The following RNF19B variants were observed in gnomAD, a reference collection of about 807,000 sequenced individuals.
The protein encoded by RNF19B is E3 ubiquitin-protein ligase RNF19B.
A neutral mutation model predicts 65.5 loss-of-function variants in RNF19B; 23 were observed. The ratio of observed to expected loss-of-function variants is 0.35; its 90% confidence interval spans 0.25 to 0.50. The LOEUF (loss-of-function observed/expected upper bound fraction) is 0.50, where lower values mean the gene tolerates loss of function less well. Among genes scored for constraint, RNF19B ranks in the 20% least tolerant of loss-of-function variants. The pLI, the probability that RNF19B is intolerant of heterozygous loss-of-function variation, is 0.98. For synonymous variants in RNF19B, 372 were observed against 379.6 expected, an observed-to-expected ratio of 0.98 and a Z score of 0.23; for missense variants, 794 against 980.0, an observed-to-expected ratio of 0.81 and a Z score of 2.53.
intron 1 of RNF19B, among the ~76,000 whole-genome samples, chr1:32,950,619 C>G (rs1166256443): frequency 6.6e-6 from 1 of 151,834 alleles, no homozygotes; most frequent in Non-Finnish European, 1.5e-5. Context: ...TCACTGCAAC[C>G]TCCGCATACC....
At chr1:32,956,567 C>T (rs1196788292) in intron 1 of RNF19B, among the ~76,000 whole-genome samples, 1 of 152,074 alleles carries the variant, frequency 6.6e-6, no homozygotes, top group Non-Finnish European at 1.5e-5. Flanking sequence ...CAGAGTTAAA[C>T]CCTATCTCAA....
intron 1 of RNF19B, among the ~76,000 whole-genome samples, chr1:32,951,822 G>C (rs1011469458): frequency 2.0e-5 from 3 of 150,512 alleles, no homozygotes; most frequent in African/African-American, 7.3e-5. Context: ...TTTTGAGACA[G>C]AGTCTCACTA....
intron 2 of RNF19B, 129 bp downstream of exon 2, chr1:32,949,440 T>C (rs1642438219): frequency 1.5e-6 from 1 of 682,248 alleles, no homozygotes; most frequent in African/African-American, 1.8e-5. Flanking sequence ...GAAAGTATTA[T>C]CAAATGATAT....
At chr1:32,939,453 AT>A (rs1642181969) in intron 7 of RNF19B, among the ~76,000 whole-genome samples, 1 of 152,190 alleles carries the variant, frequency 6.6e-6, no homozygotes, top group Non-Finnish European at 1.5e-5. Context: ...AGGTGCTGGG[AT>A]TACAGGCGTG....
intron 1 of RNF19B, among the ~76,000 whole-genome samples, chr1:32,959,923 C>T (rs959649401): frequency 9.3e-5 from 14 of 150,190 alleles, no homozygotes; most frequent in African/African-American, 3.4e-4. Context: ...TGGTGGTGGG[C>T]GCCTGTGGTC....
At chr1:32,937,709 T>TA (rs1642138197) in intron 8 of RNF19B, among the ~76,000 whole-genome samples, 1 of 151,894 alleles carries the variant, frequency 6.6e-6, no homozygotes, top group Admixed American at 6.6e-5. Context: ...ACCCTGTCTC[T>TA]AAAAAAACAA....
At chr1:32,944,860 C>A (rs1642327718) in intron 5 of RNF19B, among the ~76,000 whole-genome samples, 1 of 151,942 alleles carries the variant, frequency 6.6e-6, no homozygotes, top group South Asian at 2.1e-4. Context: ...GGCTGATTTT[C>A]TGTATTTTTA....
At chr1:32,937,388 T>C (rs1642132203) in intron 8 of RNF19B, 129 bp from the exon 9 acceptor site, 13 of 1,349,908 alleles carry the variant, frequency 9.6e-6, no homozygotes, top group Non-Finnish European at 1.3e-5. Context: ...AGCTCACTTT[T>C]AACAAAAATA....
intron 5 of RNF19B, 61 bp from the exon 6 acceptor site, chr1:32,944,220 C>T: frequency 1.3e-6 from 2 of 1,541,066 alleles, no homozygotes; most frequent in African/African-American, 1.4e-5. Context: ...CTGAATTCTT[C>T]TTCCCAGTCT....
intron 1 of RNF19B, among the ~76,000 whole-genome samples, chr1:32,961,687 C>G (rs898529660): frequency 6.6e-6 from 1 of 151,766 alleles, no homozygotes; most frequent in Non-Finnish European, 1.5e-5. Flanking sequence ...ATTCTTCTAA[C>G]TAATTAAAAA....
intron 1 of RNF19B, among the ~76,000 whole-genome samples, chr1:32,951,610 G>A (rs1642500952): frequency 6.6e-6 from 1 of 152,172 alleles, no homozygotes; most frequent in Non-Finnish European, 1.5e-5. Flanking sequence ...TAGTCACAGA[G>A]ACAATAAACC....
At chr1:32,932,330 T>TA (rs1286009050), downstream of RNF19B, among the ~76,000 whole-genome samples, 2 of 152,204 alleles carry the variant, frequency 1.3e-5, no homozygotes, top group African/African-American at 4.8e-5. Context: ...TACTGATGGC[T>TA]ATTAGAATGC....
downstream of RNF19B, among the ~76,000 whole-genome samples, chr1:32,932,792 C>T (rs1163682415): frequency 1.3e-5 from 2 of 152,186 alleles, no homozygotes; most frequent in South Asian, 2.1e-4. Context: ...TGTCTTTGAC[C>T]TAATCCACTA....
chr1:32,964,427 C>T lies in RNF19B; in HGVS notation c.259G>A (p.Glu87Lys). The part of the protein sequence containing the change: ...PEALPAEPAA[E>K]AEAEAAAAAA... The stretch of plus-strand genomic sequence containing the variant: ...GCCGCCGCGGCCTCCGCCTCGGCCT[C>T]GGCGGCCGGCTCGGCGGGCAGCGCC... Residue 87 changes from glutamate to lysine, a missense_variant, in exon 1 of 9, where the codon GAG becomes AAG. This residue lies in a region of RNF19B where 374 missense variants were observed against 423.8 expected (regional missense o/e 0.88). Coordinates refer to ENST00000235150, the MANE Select transcript of RNF19B (RefSeq NM_001300826.2). This position sits in a 1 kb window ranked among gnomAD's most constrained non-coding sequence, Gnocchi z 6.5. 1.7e-6 allele frequency: 2 copies of T among 1,192,164 alleles called. No individual in the cohort carries two copies. Among genetic ancestry groups the T allele is most frequent in the Non-Finnish European group, 2.1e-6 (2 of 965,022 alleles). The allele number at this position is 1,192,164 out of a possible 1,614,324, so 73.8% of individuals were successfully genotyped here.
chr1:32,957,160 C>T (rs945588066), intron 1 of RNF19B, among the ~76,000 whole-genome samples: 4 of 152,296 alleles, frequency 2.6e-5, no homozygotes, highest in East Asian at 1.9e-4. Context: ...ATCCAGTCCA[C>T]GTTTTCAGGT....
At chr1:32,948,129 A>C (rs1570099610) in intron 3 of RNF19B, 93 bp downstream of exon 3, 1 of 1,362,252 alleles carries the variant, frequency 7.3e-7, no homozygotes, top group African/African-American at 1.4e-5. Flanking sequence ...TTAAACCTGT[A>C]ATGAGAGAAC....
At chr1:32,942,510 T>C in intron 6 of RNF19B, 51 bp from the exon 7 acceptor site, 1 of 1,500,262 alleles carries the variant, frequency 6.7e-7, no homozygotes, top group Non-Finnish European at 9.2e-7. Flanking sequence ...ATCAAAACAG[T>C]CAGTAGGCAT....
At chr1:32,933,385 G>A (rs1395131927), downstream of RNF19B, among the ~76,000 whole-genome samples, 1 of 151,936 alleles carries the variant, frequency 6.6e-6, no homozygotes, top group Non-Finnish European at 1.5e-5. Flanking sequence ...CTCTCGAGTT[G>A]CTGGGACTAC....
At chr1:32,929,507 C>T in the RNF19B span, among the ~76,000 whole-genome samples, 2 of 152,188 alleles carry the variant, frequency 1.3e-5, no homozygotes, top group Admixed American at 1.3e-4. Flanking sequence ...AGCATTTGTG[C>T]TGGCTTAGGG....
Sources: allele counts gnomAD v4.1 joint callset (sites outside exome capture counted in the v4.1 genomes callset), GRCh38; gene constraint gnomAD v4.1.1; regional missense constraint gnomAD v4.1.1; non-coding constraint Gnocchi (gnomAD v3.1); transcripts MANE v1.5; gene names NCBI Gene and HGNC (gene_info 2026-07-23, HGNC 2026-07-21).